Variants in VIT observed in about 807,000 individuals in gnomAD.
VIT encodes the protein vitrin.
A neutral mutation model predicts 78.0 loss-of-function variants in VIT; 99 were observed. The observed-to-expected ratio is 1.27, with a 90% CI of 1.08 to 1.50. The LOEUF (loss-of-function observed/expected upper bound fraction) is 1.50, where lower values mean the gene tolerates loss of function less well. Among genes scored for constraint, VIT ranks in the 40% most tolerant of loss-of-function variants. VIT has a pLI of 0.00. For synonymous variants in VIT, 374 were observed against 334.3 expected, an observed-to-expected ratio of 1.12 and a Z score of -1.29; for missense variants, 1,126 against 875.3, an observed-to-expected ratio of 1.29 and a Z score of -3.61.
chr2:36,719,399 C>G (rs1666354208), intron 2 of VIT, among the ~76,000 whole-genome samples: 1 of 152,142 alleles, frequency 6.6e-6, no homozygotes, highest in African/African-American at 2.4e-5. Context: ...AAAATTTCCT[C>G]TGCAGATAAC....
At position 36,729,590 on chromosome 2, in the gene VIT, T is replaced by G; in HGVS notation, c.118+99T>G. 3 of 1,198,454 alleles carry G rather than the reference T, an allele frequency of 2.5e-6. No homozygotes were observed. In the South Asian group the frequency reaches 4.4e-5, roughly 17 times the overall value. 74.2% of individuals were successfully genotyped at this position (1,198,454 alleles called of 1,614,324 possible). A position where few individuals can be genotyped will look rare whatever the true frequency, so the allele number is the denominator to read the frequency against. The stretch of plus-strand genomic sequence containing the variant: ...GGTAATTTTTGTTTTGGTTTGGTTT[T>G]TATCTCTATGTCAATTAATTTCCAC... On this transcript the variant is annotated intron_variant, in intron 3 of 15. Coordinates refer to ENST00000379242, the MANE Select transcript of VIT (RefSeq NM_053276.4).
intron 11 of VIT, among the ~76,000 whole-genome samples, chr2:36,784,076 A>C (rs1356315161): frequency 1.3e-5 from 2 of 152,242 alleles, no homozygotes; most frequent in Non-Finnish European, 2.9e-5. Flanking sequence ...TAAAGTAAGA[A>C]GATACAGAAG....
At chr2:36,723,349 T>C (rs1466107908) in intron 2 of VIT, among the ~76,000 whole-genome samples, 1 of 152,232 alleles carries the variant, frequency 6.6e-6, no homozygotes, top group East Asian at 1.9e-4. Flanking sequence ...GTTTGTTTTC[T>C]AGGTCAAAGA....
In VIT at chr2:36,809,005, C is replaced by G; in HGVS notation, c.1903+20C>G. On this transcript the variant is annotated intron_variant, in intron 15 of 15. Transcript: ENST00000379242. ...TGAAGGGTAAGCTGGGCTTGCCAAG[C>G]AGCCTGGTGCTGAGGCTGCTTTCTG... 2.6e-6 allele frequency: 4 copies of G among 1,549,910 alleles called. No homozygotes were observed. The highest frequency in any genetic ancestry group is 3.5e-6 in the Non-Finnish European group (4 of 1,144,592).
Position 36,728,534 on chromosome 2 carries a change from C to A in VIT, c.53-892C>A, listed in dbSNP as rs1394472626. Among the ~76,000 whole-genome samples the A allele has an allele frequency of 4.4e-4, 13 of 29,510 alleles. 5 individuals are homozygous for A. The highest frequency in any genetic ancestry group is 1.5e-3 in the Non-Finnish European group (13 of 8,668). 19.4% of individuals were successfully genotyped at this position (29,510 alleles called of 152,430 possible). On this transcript the variant is annotated intron_variant, in intron 2 of 15. Transcript: ENST00000379242. ...TATTATATTAAAGAAAAAATATTGG[C>A]CGGGCGCGGTGGCTCACGCCTGTAA...
intron 6 of VIT, among the ~76,000 whole-genome samples, chr2:36,764,349 C>T (rs1042360284): frequency 6.6e-6 from 1 of 152,212 alleles, no homozygotes; most frequent in African/African-American, 2.4e-5. Flanking sequence ...CAAACCCGGG[C>T]CTGCATCTCC....
chr2:36,793,585 C>A (rs1306789834), intron 12 of VIT, among the ~76,000 whole-genome samples: 1 of 152,230 alleles, frequency 6.6e-6, no homozygotes, highest in Non-Finnish European at 1.5e-5. Flanking sequence ...CCTGAAACAT[C>A]CTCCTGATCT....
chr2:36,716,293 T>C, intron 1 of VIT, 60 bp from the exon 2 acceptor site: 1 of 1,408,274 alleles, frequency 7.1e-7, no homozygotes. Context: ...ACACACTCTG[T>C]GCATCCAAAT....
intron 7 of VIT, among the ~76,000 whole-genome samples, chr2:36,768,280 A>G (rs1669554907): frequency 6.6e-6 from 1 of 152,102 alleles, no homozygotes; most frequent in South Asian, 2.1e-4. Context: ...AAAAATGCAA[A>G]TATTAGCCAG....
intron 11 of VIT, among the ~76,000 whole-genome samples, chr2:36,784,286 T>A (rs1471122708): frequency 1.3e-5 from 2 of 152,218 alleles, no homozygotes; most frequent in African/African-American, 4.8e-5. Flanking sequence ...TTGCTGCATA[T>A]GAGAATCACC....
chr2:36,725,602 TGGG>T (rs112932967), intron 2 of VIT, among the ~76,000 whole-genome samples: 3 of 48,816 alleles, frequency 6.1e-5, no homozygotes, highest in African/African-American at 2.1e-4. Context: ...AGTTGAGGGG[TGGG>T]GGGGGGGTGG....
intron 15 of VIT, among the ~76,000 whole-genome samples, chr2:36,810,740 T>C (rs1389466439): frequency 1.3e-5 from 2 of 152,058 alleles, no homozygotes; most frequent in African/African-American, 2.4e-5. Flanking sequence ...TTCAAGCGAT[T>C]CTTCTGGCTC....
intron 13 of VIT, among the ~76,000 whole-genome samples, chr2:36,802,911 G>A (rs1350882625): frequency 6.6e-6 from 1 of 152,254 alleles, no homozygotes; most frequent in African/African-American, 2.4e-5. Context: ...ACTGTAGGCT[G>A]AGCTTTAAGA....
At chr2:36,735,528 A>G (rs1667462188) in intron 3 of VIT, among the ~76,000 whole-genome samples, 1 of 152,074 alleles carries the variant, frequency 6.6e-6, no homozygotes, top group Admixed American at 6.6e-5. Flanking sequence ...CCCCTCAGCT[A>G]CTCAGTGTCC....
chr2:36,722,355 G>T (rs868639583), intron 2 of VIT, among the ~76,000 whole-genome samples: 1 of 152,138 alleles, frequency 6.6e-6, no homozygotes, highest in East Asian at 1.9e-4. Flanking sequence ...GGTTAAAACC[G>T]GCTCTGGTTT....
chr2:36,797,092 T>G (rs1381635703), intron 12 of VIT, among the ~76,000 whole-genome samples: 1 of 134,408 alleles, frequency 7.4e-6, no homozygotes, highest in Non-Finnish European at 1.6e-5. Flanking sequence ...TTTTTTTGTT[T>G]CAACCAATTT....
intron 15 of VIT, among the ~76,000 whole-genome samples, chr2:36,811,753 A>G (rs1480798028): frequency 1.3e-5 from 2 of 150,778 alleles, no homozygotes; most frequent in African/African-American, 4.9e-5. Context: ...GCTCATTGCA[A>G]CCTCCGCCTC....
intron 1 of VIT, among the ~76,000 whole-genome samples, chr2:36,710,689 A>G (rs1374316220): frequency 6.6e-6 from 1 of 152,300 alleles, no homozygotes; most frequent in East Asian, 1.9e-4. Context: ...ACTTTCATTT[A>G]ACATAATTAT....
intron 3 of VIT, among the ~76,000 whole-genome samples, chr2:36,730,992 A>G (rs1009654604): frequency 2.0e-5 from 3 of 152,214 alleles, no homozygotes; most frequent in African/African-American, 7.2e-5. Flanking sequence ...AAAATAGGTG[A>G]AGGGTGGGGA....
Sources: allele counts gnomAD v4.1 joint callset (sites outside exome capture counted in the v4.1 genomes callset), GRCh38; gene constraint gnomAD v4.1.1; transcripts MANE v1.5; gene names NCBI Gene and HGNC (gene_info 2026-07-23, HGNC 2026-07-21).